The following WDR72 variants were observed in gnomAD, a reference collection of about 807,000 sequenced individuals.
The protein encoded by WDR72 is WD repeat-containing protein 72.
Under a neutral mutation model 124.2 loss-of-function variants are expected in WDR72, and 120 were observed. The ratio of observed to expected loss-of-function variants is 0.97; its 90% CI spans 0.83 to 1.12. The LOEUF is 1.12. Among genes scored for constraint, WDR72 ranks in the 50% most tolerant of loss-of-function variants. WDR72 has a pLI of 0.00. For missense variants in WDR72, 1,387 were observed against 1,278.8 expected, an observed-to-expected ratio of 1.08 and a Z score of -1.29; for synonymous variants, 452 against 441.7, an observed-to-expected ratio of 1.02 and a Z score of -0.29.
chr15:53,732,144 G>T (rs1388385436), intron 2 of WDR72, among the ~76,000 whole-genome samples: 1 of 152,150 alleles, frequency 6.6e-6, no homozygotes, highest in Non-Finnish European at 1.5e-5. Flanking sequence ...AGCTGAGCTG[G>T]TCTGCAATGC....
upstream of WDR72, among the ~76,000 whole-genome samples, chr15:53,762,201 T>C (rs1386922012): frequency 7.2e-5 from 11 of 152,060 alleles, no homozygotes; most frequent in Non-Finnish European, 1.6e-4. Context: ...AGATCACAGG[T>C]TTTCCATCTC....
intron 18 of WDR72, among the ~76,000 whole-genome samples, chr15:53,589,616 C>T (rs1369392499): frequency 6.7e-6 from 1 of 149,784 alleles, no homozygotes; most frequent in East Asian, 1.9e-4. Flanking sequence ...ATCTAGATCA[C>T]TTTTTGTCAA....
intron 18 of WDR72, among the ~76,000 whole-genome samples, chr15:53,578,105 T>C (rs2011708617): frequency 6.6e-6 from 1 of 152,140 alleles, no homozygotes; most frequent in African/African-American, 2.4e-5. Flanking sequence ...CTGCCATCTA[T>C]TTGTTTATCA....
intron 14 of WDR72, among the ~76,000 whole-genome samples, chr15:53,629,996 T>C (rs1003306232): frequency 6.6e-6 from 1 of 152,074 alleles, no homozygotes; most frequent in Non-Finnish European, 1.5e-5. Flanking sequence ...TCCTAAATAA[T>C]TAGTGGGGAA....
intron 13 of WDR72, among the ~76,000 whole-genome samples, chr15:53,671,095 A>T (rs1475695768): frequency 6.6e-6 from 1 of 152,154 alleles, no homozygotes; most frequent in African/African-American, 2.4e-5. Context: ...AATACTTCTT[A>T]ATAGATTATA....
At chr15:53,609,234 A>G (rs963335240) in intron 17 of WDR72, among the ~76,000 whole-genome samples, 1 of 152,180 alleles carries the variant, frequency 6.6e-6, no homozygotes, top group African/African-American at 2.4e-5. Flanking sequence ...AAATCAAATA[A>G]TGGACAATCC....
intron 14 of WDR72, among the ~76,000 whole-genome samples, chr15:53,661,467 C>G (rs1289517323): frequency 3.9e-5 from 6 of 152,154 alleles, no homozygotes; most frequent in Non-Finnish European, 5.9e-5. Context: ...TTAATCTATT[C>G]AGGAAGGATA....
At chr15:53,600,067 T>A (rs887770779) in intron 17 of WDR72, among the ~76,000 whole-genome samples, 7 of 152,104 alleles carry the variant, frequency 4.6e-5, no homozygotes, top group Non-Finnish European at 4.4e-5. Context: ...TTAAACTCAG[T>A]GTGAGATGAG....
intron 14 of WDR72, among the ~76,000 whole-genome samples, chr15:53,647,745 A>G (rs1043761778): frequency 1.3e-5 from 2 of 152,114 alleles, no homozygotes; most frequent in Non-Finnish European, 2.9e-5. Context: ...GTTTTAGCCA[A>G]TGAGATTTGG....
chr15:53,740,432 C>G (rs994093567), intron 1 of WDR72, among the ~76,000 whole-genome samples: 1 of 151,908 alleles, frequency 6.6e-6, no homozygotes, highest in Non-Finnish European at 1.5e-5. Context: ...CTCAGTCTCC[C>G]GAATAGCTGG....
chr15:53,579,170 A>G (rs2011781646), intron 18 of WDR72, among the ~76,000 whole-genome samples: 1 of 152,254 alleles, frequency 6.6e-6, no homozygotes, highest in African/African-American at 2.4e-5. Context: ...CTGCATGTTT[A>G]GGTGAGCCTA....
chr15:53,575,183 A>G (rs1454781789), intron 18 of WDR72, among the ~76,000 whole-genome samples: 1 of 152,120 alleles, frequency 6.6e-6, no homozygotes, highest in African/African-American at 2.4e-5. Context: ...GTATGTTCCG[A>G]ACTCAACATA....
At chr15:53,755,699 G>T (rs1037186865) in intron 1 of WDR72, among the ~76,000 whole-genome samples, 1 of 152,220 alleles carries the variant, frequency 6.6e-6, no homozygotes, top group East Asian at 1.9e-4. Flanking sequence ...AGATCATGGG[G>T]CCTCCATTAC....
intron 13 of WDR72, among the ~76,000 whole-genome samples, chr15:53,671,674 A>G (rs952947587): frequency 8.5e-5 from 13 of 152,224 alleles, no homozygotes; most frequent in Non-Finnish European, 1.6e-4. Flanking sequence ...AGAGGCCAAC[A>G]CTGCGAAAAG....
At chr15:53,720,623 T>C (rs1350205066) in intron 3 of WDR72, among the ~76,000 whole-genome samples, 2 of 152,190 alleles carry the variant, frequency 1.3e-5, no homozygotes, top group African/African-American at 2.4e-5. Context: ...CTGACAGATA[T>C]TTTCTGTCCA....
In WDR72 at chr15:53,733,016, T is replaced by C. The variant is rs369329738; in HGVS notation, c.134A>G (p.Asn45Ser). The change falls in exon 2 of 20, where the codon AAT (asparagine) becomes AGT (serine). Residue 45 changes from asparagine (N) to serine (S), a missense_variant. Coordinates refer to ENST00000360509, the MANE Select transcript of WDR72 (RefSeq NM_182758.4). ...GSQEGQLCLW[N>S]LSHELKISAK... ...ACTAACCTTTAGTTCATGTGAGAGA[T>C]TCCAGAGACAGAGCTGACCCTCTTG... The C allele has an allele frequency of 6.2e-7, 1 of 1,613,972 alleles. No individual in the cohort carries two copies. The highest frequency in any genetic ancestry group is 2.2e-5 in the East Asian group (1 of 44,892).
upstream of WDR72, among the ~76,000 whole-genome samples, chr15:53,762,438 G>C (rs534035638): frequency 5.2e-4 from 79 of 152,276 alleles, no homozygotes; most frequent in African/African-American, 1.9e-3. Context: ...CTGCTTGACT[G>C]TAAGCTCTGT....
chr15:53,679,356 A>G (rs4344680), intron 13 of WDR72, among the ~76,000 whole-genome samples: 11,474 of 152,224 alleles, frequency 0.075, 1,106 homozygotes, highest in African/African-American at 0.22. Context: ...ATATTTTACC[A>G]CAATCATCAT....
rs1442814760 is a variant in WDR72 at position 53,516,266 on chromosome 15, C to G, written c.*1433G>C. 1 of 152,070 alleles carries G rather than the reference C, an allele frequency of 6.6e-6. No homozygotes were observed. The highest frequency in any genetic ancestry group is 1.5e-5 in the Non-Finnish European group (1 of 67,970). 9.4% of individuals were successfully genotyped at this position (152,070 alleles called of 1,614,324 possible). On this transcript the variant is annotated 3_prime_UTR_variant, in exon 20 of 20. Coordinates refer to ENST00000360509, the MANE Select transcript of WDR72 (RefSeq NM_182758.4). ...ACACTTTAATCTACTTTAAGGGAGT[C>G]ACACTCATTTGACATCTTTATCCTG...
Sources: gnomAD v4.1 joint callset for allele counts (sites outside exome capture counted in the v4.1 genomes callset) on GRCh38, gnomAD v4.1.1 for gene constraint, MANE v1.5 for transcripts, NCBI Gene and HGNC (gene_info 2026-07-23, HGNC 2026-07-21) for gene names.